Variants in GATA3 observed in about 807,000 individuals in gnomAD.
GATA3 encodes trans-acting T-cell-specific transcription factor GATA-3.
A neutral mutation model predicts 36.0 loss-of-function variants in GATA3; 6 were observed. That is an observed-to-expected ratio of 0.17 (90% CI 0.09 to 0.33). GATA3 has a LOEUF of 0.33. Among genes scored for constraint, GATA3 ranks in the 10% least tolerant of loss-of-function variants. The pLI, the probability that GATA3 is intolerant of heterozygous loss-of-function variation, is 1.00. For missense variants in GATA3, 514 were observed against 610.1 expected, an observed-to-expected ratio of 0.84 and a Z score of 1.66; for synonymous variants, 326 against 273.0, an observed-to-expected ratio of 1.19 and a Z score of -1.92.
intron 3 of GATA3, among the ~76,000 whole-genome samples, chr10:8,063,351 T>C (rs915904750): frequency 1.3e-5 from 2 of 152,202 alleles, no homozygotes; most frequent in African/African-American, 4.8e-5. Context: ...TGGAAACCCC[T>C]GCTGGGTCCT....
In GATA3 at chr10:8,055,741, C is replaced by A; in HGVS notation, c.86C>A (p.Pro29Gln). 3 of 1,576,620 alleles carry A rather than the reference C, an allele frequency of 1.9e-6. No homozygotes were observed. Among genetic ancestry groups the A allele is most frequent in the East Asian group, 4.7e-5 (2 of 42,670 alleles). ...LNGQHPDTHHPGLSHSYMDAA... is the reference protein window; with the variant it reads ...LNGQHPDTHHQGLSHSYMDAA... ...GGGCAGCACCCGGACACGCACCACC[C>A]GGGCCTCAGCCACTCCTACATGGAC... Residue 29 changes from proline to glutamine, a missense_variant, in exon 2 of 6, where the codon CCG (proline) becomes CAG (glutamine). Coordinates refer to ENST00000379328, the MANE Select transcript of GATA3 (RefSeq NM_001002295.2). The surrounding 1 kb of genome is among the most constrained non-coding windows in gnomAD (Gnocchi z 5.4).
intron 5 of GATA3, among the ~76,000 whole-genome samples, chr10:8,071,302 C>A (rs887923109): frequency 6.6e-6 from 1 of 152,058 alleles, no homozygotes; most frequent in Non-Finnish European, 1.5e-5. Context: ...AGTGTCAGAA[C>A]TAAGAGGAGA....
intron 3 of GATA3, among the ~76,000 whole-genome samples, chr10:8,060,450 G>T (rs1326664507): frequency 6.6e-6 from 1 of 152,210 alleles, no homozygotes; most frequent in Non-Finnish European, 1.5e-5. Flanking sequence ...GGTGCAGCTT[G>T]ACTCAGAAAC....
At chr10:8,064,822 G>C (rs769260331) in intron 4 of GATA3, among the ~76,000 whole-genome samples, 2 of 152,132 alleles carry the variant, frequency 1.3e-5, no homozygotes, top group African/African-American at 2.4e-5. Context: ...TTTTCTCTTT[G>C]AACTACTACC....
chr10:8,073,861 G>C lies in GATA3; in HGVS notation c.1173G>C (p.Ser391=), dbSNP rs150229374. The change falls in exon 6 of 6, where the codon TCG becomes TCC. Residue 391 remains serine (S), a synonymous_variant. Transcript: ENST00000379328. ...DSLEDFPKNS[S]FNPAALSRHM... ...TGGAGGACTTCCCCAAGAACAGCTCGTTTAACCCGGCCGCCCTCTCCAGAC... is the reference window on the plus strand; with the variant it reads ...TGGAGGACTTCCCCAAGAACAGCTCCTTTAACCCGGCCGCCCTCTCCAGAC... The C allele has an allele frequency of 2.5e-6, 4 of 1,614,086 alleles. No individual in the cohort carries two copies. Among genetic ancestry groups the C allele is most frequent in the Non-Finnish European group, 3.4e-6 (4 of 1,180,022 alleles).
intron 3 of GATA3, among the ~76,000 whole-genome samples, chr10:8,060,529 C>CT (rs1832729798): frequency 1.6e-5 from 1 of 63,376 alleles, no homozygotes; most frequent in East Asian, 1.9e-3. Flanking sequence ...GATTTCTTTT[C>CT]TTTTTCTTTT....
chr10:8,054,041 A>G (rs1254741868), upstream of GATA3, among the ~76,000 whole-genome samples: 2 of 152,188 alleles, frequency 1.3e-5, no homozygotes, highest in Non-Finnish European at 2.9e-5. This position sits in a 1 kb window ranked among gnomAD's most constrained non-coding sequence, Gnocchi z 4.2. Flanking sequence ...CTCGGGAAAG[A>G]GGTGACAATG....
rs1832688600 is a variant in GATA3, at chr10:8,058,555, C to T, written c.492C>T (p.Asp164=). 6.2e-6 allele frequency: 10 copies of T among 1,612,462 alleles called. 2 individuals carry two copies. Among genetic ancestry groups the T allele is most frequent in the Middle Eastern group, 1.6e-4 (1 of 6,084 alleles). The change falls in exon 3 of 6, where the codon GAC becomes GAT. Residue 164 remains aspartate, a synonymous_variant. Transcript: ENST00000379328. ...CCCCGCCGAAGGACGTCTCCCCGGA[C>T]CCATCGCTGTCCACCCCAGGCTCGG... ...PPTPPKDVSP[D]PSLSTPGSAG... is the part of the protein sequence containing the mutation.
chr10:8,061,137 G>A (rs1320662404), intron 3 of GATA3, among the ~76,000 whole-genome samples: 1 of 151,560 alleles, frequency 6.6e-6, no homozygotes, highest in Non-Finnish European at 1.5e-5. Flanking sequence ...TGCTGAAGGA[G>A]GACACAGAGA....
At chr10:8,052,479 T>C (rs1313264497), upstream of GATA3, 1 of 152,254 alleles carries the variant, frequency 6.6e-6, no homozygotes, top group Non-Finnish European at 1.5e-5. Context: ...GCAGCGTTTC[T>C]GACGCGGGGA....
intron 4 of GATA3, among the ~76,000 whole-genome samples, chr10:8,065,700 GTTTTTTTTT>G (rs748515966): frequency 9.6e-5 from 6 of 62,290 alleles, no homozygotes; most frequent in Non-Finnish European, 1.4e-4. Context: ...CAGCAGTTTG[GTTTTTTTTT>G]TTTTTTTTTT....
At chr10:8,059,639 T>C (rs1832715571) in intron 3 of GATA3, among the ~76,000 whole-genome samples, 1 of 152,230 alleles carries the variant, frequency 6.6e-6, no homozygotes, top group Non-Finnish European at 1.5e-5. Context: ...CAGCTTCCTG[T>C]GCTCTGTTCC....
In GATA3 at chr10:8,058,534, G is replaced by T. The variant is rs748832905; in HGVS notation, c.471G>T (p.Pro157=). 7.3e-6 allele frequency: 11 copies of T among 1,515,482 alleles called. No homozygotes were observed. Among genetic ancestry groups the T allele is most frequent in the Non-Finnish European group, 9.0e-6 (10 of 1,114,208 alleles). The allele number at this position is 1,515,482 out of a possible 1,614,324, so 93.9% of individuals were successfully genotyped here. A position where few individuals can be genotyped will look rare whatever the true frequency, so the allele number is the denominator to read the frequency against. ...ACCTCTTCACCTTCCCGCCCACCCC[G>T]CCGAAGGACGTCTCCCCGGACCCAT... ...SPHLFTFPPT[P]PKDVSPDPSL... is the part of the protein sequence containing the mutation. The change falls in exon 3 of 6, where the codon CCG becomes CCT. Residue 157 remains proline, a synonymous_variant. Transcript: ENST00000379328.
chr10:8,067,042 A>T (rs1382565795), intron 4 of GATA3, among the ~76,000 whole-genome samples: 1 of 152,178 alleles, frequency 6.6e-6, no homozygotes, highest in Non-Finnish European at 1.5e-5. Context: ...CTTCTAAAAA[A>T]AAAAAACACT....
intron 1 of GATA3, among the ~76,000 whole-genome samples, chr10:8,048,519 C>G (rs1002547181): frequency 1.3e-5 from 2 of 152,214 alleles, no homozygotes; most frequent in African/African-American, 4.8e-5. Flanking sequence ...ACTGATGCCA[C>G]TGGGGGCAGG....
Position 8,064,238 on chromosome 10 carries a change from G to GC in GATA3, c.924+102dup, listed in dbSNP as rs930875365. On this transcript the variant is annotated intron_variant, in intron 4 of 5. Coordinates refer to ENST00000379328, the MANE Select transcript of GATA3 (RefSeq NM_001002295.2). ...CTTTCTGCAGGAAATTGACAGGATA[G>GC]CCTCCAATCGTGTCAGCTGGCTTGG... is the stretch of plus-strand genomic sequence containing the variant. 2.1e-6 allele frequency: 3 copies of GC among 1,429,518 alleles called. No homozygotes were observed. The African/African-American group carries it at 4.3e-5, about 21-fold the overall frequency. The allele number at this position is 1,429,518 out of a possible 1,614,324, so 88.6% of individuals were successfully genotyped here.
chr10:8,047,621 G>C (rs1255528430), intron 1 of GATA3, among the ~76,000 whole-genome samples: 1 of 152,232 alleles, frequency 6.6e-6, no homozygotes, highest in Non-Finnish European at 1.5e-5. Flanking sequence ...GCAGAGGTGG[G>C]TGCGGCAGCG....
In GATA3 at chr10:8,058,681, C is replaced by A; in HGVS notation, c.618C>A (p.Thr206=). 2 of 1,613,256 alleles carry A rather than the reference C, an allele frequency of 1.2e-6. No homozygotes were observed. ...CGTCCCACTCCCGTGGCAGCATGAC[C>A]GCCCTGGGTGGAGCCTCCTCGTCGA... ...LESSHSRGSM[T]ALGGASSSTH... Residue 206 remains threonine (T), a synonymous_variant, in exon 3 of 6, where the codon ACC becomes ACA. Transcript: ENST00000379328.
At position 8,046,084 on chromosome 10, in the gene GATA3, C is replaced by A. The variant is rs1302700025; in HGVS notation, c.-370+569C>A. On this transcript the variant is annotated intron_variant, in intron 1 of 1. Coordinates refer to the GATA3 transcript ENST00000643001. Reference sequence around the variant, plus strand: ...GGAGGCTTCTTTGCTTCCAGGAGCACCCTGAGGTGGGTGAGAAAACCGCAG... The same window carrying A: ...GGAGGCTTCTTTGCTTCCAGGAGCAACCTGAGGTGGGTGAGAAAACCGCAG... 2.6e-5 allele frequency among the ~76,000 whole-genome samples: 4 copies of A among 152,258 alleles called. 1 individual carries two copies. The highest frequency in any genetic ancestry group is 9.6e-5 in the African/African-American group (4 of 41,556).
Sources: gnomAD v4.1 joint callset for allele counts (sites outside exome capture counted in the v4.1 genomes callset) on GRCh38, gnomAD v4.1.1 for gene constraint, Gnocchi (gnomAD v3.1) non-coding constraint, MANE v1.5 for transcripts, NCBI Gene and HGNC (gene_info 2026-07-23, HGNC 2026-07-21) for gene names.